The following IPCEF1 variants were observed in gnomAD, a reference collection of about 807,000 sequenced individuals.
IPCEF1 encodes interactor protein for cytohesin exchange factors 1.
IPCEF1 carries 31 observed loss-of-function variants against 50.9 expected under a neutral mutation model. That is an observed-to-expected ratio of 0.61 (90% CI 0.46 to 0.82). The LOEUF (loss-of-function observed/expected upper bound fraction) is 0.82, where lower values mean the gene tolerates loss of function less well. Ranked by LOEUF, IPCEF1 falls within the 40% of genes least tolerant of loss-of-function variation. IPCEF1 has a pLI of 0.00. For synonymous variants in IPCEF1, 181 were observed against 192.0 expected (o/e 0.94, Z 0.47); for missense variants, 458 against 514.0 (o/e 0.89, Z 1.05).
chr6:154,336,491 A>G (rs1783790139), intron 1 of IPCEF1, among the ~76,000 whole-genome samples: 1 of 152,250 alleles, frequency 6.6e-6, no homozygotes, highest in Non-Finnish European at 1.5e-5. Flanking sequence ...GATAGAGAGT[A>G]GAATGATAGA....
intron 1 of IPCEF1, among the ~76,000 whole-genome samples, chr6:154,344,198 C>T (rs964111148): frequency 2.6e-5 from 4 of 152,122 alleles, no homozygotes; most frequent in African/African-American, 9.7e-5. Context: ...TTTCTTCTCC[C>T]TTTTCTCTTG....
intron 5 of IPCEF1, among the ~76,000 whole-genome samples, chr6:154,243,686 ATT>A (rs1562563259): frequency 1.3e-5 from 2 of 152,184 alleles, no homozygotes; most frequent in African/African-American, 4.8e-5. Context: ...GGTGGTCTTA[ATT>A]GTGTCATGTA....
chr6:154,273,847 G>A (rs1295250689), intron 2 of IPCEF1, among the ~76,000 whole-genome samples: 1 of 141,066 alleles, frequency 7.1e-6, no homozygotes, highest in East Asian at 2.1e-4. Context: ...TCCGCCTCCC[G>A]GGTTCACGGC....
chr6:154,182,375 C>T (rs1800962140), intron 10 of IPCEF1, among the ~76,000 whole-genome samples: 1 of 152,052 alleles, frequency 6.6e-6, no homozygotes, highest in African/African-American at 2.4e-5. Flanking sequence ...GGTTGTTTTG[C>T]TGTTGTTATT....
intron 1 of IPCEF1, among the ~76,000 whole-genome samples, chr6:154,303,645 G>C (rs902457908): frequency 1.3e-5 from 2 of 152,162 alleles, no homozygotes; most frequent in African/African-American, 4.8e-5. Context: ...CTCCTGGCTA[G>C]GCACAGTGGC....
intron 1 of IPCEF1, among the ~76,000 whole-genome samples, chr6:154,293,055 TTTAC>T (rs1782552779): frequency 6.6e-6 from 1 of 152,242 alleles, no homozygotes; most frequent in Admixed American, 6.5e-5. Context: ...GTTTTTCTTA[TTTAC>T]TTTTTGCCGT....
At chr6:154,323,454 T>G (rs1262368646) in intron 1 of IPCEF1, among the ~76,000 whole-genome samples, 1 of 152,242 alleles carries the variant, frequency 6.6e-6, no homozygotes, top group Non-Finnish European at 1.5e-5. Context: ...CTGCCAAACA[T>G]TTCTTTGGTA....
At chr6:154,262,769 CTTTTTTTTTTTTTTT>C (rs138504583) in intron 3 of IPCEF1, among the ~76,000 whole-genome samples, 1 of 97,724 alleles carries the variant, frequency 1.0e-5, no homozygotes, top group Admixed American at 1.3e-4. Context: ...GCTTATAATC[CTTTTTTTTTTTTTTT>C]TTTTTTTTTT....
intron 1 of IPCEF1, among the ~76,000 whole-genome samples, chr6:154,347,114 TC>T (rs1784045501): frequency 6.6e-6 from 1 of 152,200 alleles, no homozygotes; most frequent in Admixed American, 6.5e-5. Flanking sequence ...CAAACAGGCT[TC>T]CTCTGGCCTC....
At chr6:154,222,908 A>C in intron 6 of IPCEF1, 1 of 499,330 alleles carries the variant, frequency 2.0e-6, no homozygotes, top group South Asian at 2.4e-5. Context: ...GGTTTATTCC[A>C]TCACAGACAC....
chr6:154,353,107 C>T lies in IPCEF1; in HGVS notation c.-62+3565G>A, dbSNP rs1051817796. On this transcript the variant is annotated intron_variant, in intron 1 of 11. Transcript: ENST00000367220. ...TTCAGAGTTGACACATGATTCTGCACCAGCCTTACTCTCAAAGGGGATTTC... is the reference window on the plus strand; with the variant it reads ...TTCAGAGTTGACACATGATTCTGCATCAGCCTTACTCTCAAAGGGGATTTC... Among the ~76,000 whole-genome samples, 5 of 152,152 alleles carry T rather than the reference C, an allele frequency of 3.3e-5. No individual in the cohort carries two copies. In the South Asian group the frequency reaches 1.0e-3, roughly 32 times the overall value.
At chr6:154,303,240 T>C (rs910890471) in intron 1 of IPCEF1, among the ~76,000 whole-genome samples, 1 of 151,928 alleles carries the variant, frequency 6.6e-6, no homozygotes, top group African/African-American at 2.4e-5. Flanking sequence ...TACAGGTGCA[T>C]ACCACCACGC....
intron 1 of IPCEF1, among the ~76,000 whole-genome samples, chr6:154,301,654 C>T (rs953864): frequency 0.66 from 100,670 of 151,908 alleles, 33,885 homozygotes; most frequent in East Asian, 0.8. Flanking sequence ...ATTTATTGAG[C>T]CCTGGGACTT....
At chr6:154,202,084 T>A (rs1583785068) in intron 9 of IPCEF1, among the ~76,000 whole-genome samples, 1 of 152,202 alleles carries the variant, frequency 6.6e-6, no homozygotes, top group South Asian at 2.1e-4. Flanking sequence ...TGAGTTTTGA[T>A]GGGAGAAGCC....
At chr6:154,305,980 GCTC>G (rs1782922354) in intron 1 of IPCEF1, among the ~76,000 whole-genome samples, 1 of 152,286 alleles carries the variant, frequency 6.6e-6, no homozygotes, top group East Asian at 1.9e-4. Context: ...TGACTTCCTT[GCTC>G]CTCAACTTGC....
chr6:154,262,763 A>C (rs1428529953), intron 3 of IPCEF1, among the ~76,000 whole-genome samples: 1 of 133,626 alleles, frequency 7.5e-6, no homozygotes, highest in Non-Finnish European at 1.6e-5. Context: ...ACACATGCTT[A>C]TAATCCTTTT....
chr6:154,215,045 A>T (rs1458605281), intron 7 of IPCEF1, among the ~76,000 whole-genome samples: 1 of 152,144 alleles, frequency 6.6e-6, no homozygotes, highest in Non-Finnish European at 1.5e-5. Flanking sequence ...ATAATTTTCT[A>T]CTTATTGGGA....
rs531618508 is a variant in IPCEF1 at position 154,209,356 on chromosome 6, G to A, written c.537+3414C>T. Among the ~76,000 whole-genome samples, 9 of 152,214 alleles carry A rather than the reference G, an allele frequency of 5.9e-5. No individual in the cohort carries two copies. The South Asian group carries it at 1.7e-3, about 28-fold the overall frequency. ...CAAACACTAGCTCAATTCACTCTCT[G>A]CATAAAAGCTATGACTGAGTGCAGT... is the stretch of plus-strand genomic sequence containing the variant. On this transcript the variant is annotated intron_variant, in intron 9 of 11. Transcript: ENST00000367220.
intron 1 of IPCEF1, among the ~76,000 whole-genome samples, chr6:154,355,164 G>A (rs1352267979): frequency 1.3e-5 from 2 of 152,142 alleles, no homozygotes; most frequent in Admixed American, 1.3e-4. Context: ...GGATGCACGA[G>A]TCAAAAGGAA....
Sources: gnomAD v4.1 joint callset for allele counts (sites outside exome capture counted in the v4.1 genomes callset) on GRCh38, gnomAD v4.1.1 for gene constraint, MANE v1.5 for transcripts, NCBI Gene and HGNC (gene_info 2026-07-23, HGNC 2026-07-21) for gene names.